Variants in TAFA5 observed in about 807,000 individuals in gnomAD.
The protein encoded by TAFA5 is chemokine-like protein TAFA-5.
In TAFA5, 6 loss-of-function variants were observed where a neutral mutation model predicts 15.3. That is an observed-to-expected ratio of 0.39 (90% CI 0.21 to 0.77). TAFA5 has a LOEUF of 0.77. TAFA5 is among the 30% of genes least tolerant of loss of function. The pLI is 0.41. For synonymous variants in TAFA5, 103 were observed against 80.7 expected (o/e 1.28, Z -1.48); for missense variants, 161 against 193.1 (o/e 0.83, Z 0.98).
At chr22:48,626,156 T>G (rs1399426854) in intron 1 of TAFA5, among the ~76,000 whole-genome samples, 1 of 152,242 alleles carries the variant, frequency 6.6e-6, no homozygotes, top group African/African-American at 2.4e-5. Flanking sequence ...CTATAAACAT[T>G]CACACGCAGC....
At chr22:48,707,295 G>A (rs1309614552) in intron 2 of TAFA5, among the ~76,000 whole-genome samples, 1 of 152,122 alleles carries the variant, frequency 6.6e-6, no homozygotes, top group Non-Finnish European at 1.5e-5. Context: ...TTCCCCTTTG[G>A]TTACCTCCCT....
chr22:48,563,355 C>T (rs982963486), intron 1 of TAFA5, among the ~76,000 whole-genome samples: 5 of 152,180 alleles, frequency 3.3e-5, no homozygotes, highest in Admixed American at 2.0e-4. Flanking sequence ...GTGGGGACCA[C>T]GGGGGCCGTT....
intron 1 of TAFA5, among the ~76,000 whole-genome samples, chr22:48,506,611 C>G (rs1386362692): frequency 6.6e-6 from 1 of 152,148 alleles, no homozygotes; most frequent in Non-Finnish European, 1.5e-5. Flanking sequence ...GGGCCCCCTG[C>G]CAGCCTGTCC....
chr22:48,645,262 T>C (rs1030494878), intron 1 of TAFA5, among the ~76,000 whole-genome samples: 2 of 152,168 alleles, frequency 1.3e-5, no homozygotes, highest in Non-Finnish European at 2.9e-5. Flanking sequence ...GGTTTTCATC[T>C]TCACCTGGAG....
At chr22:48,523,653 CA>C (rs1326803617) in intron 1 of TAFA5, among the ~76,000 whole-genome samples, 2 of 152,202 alleles carry the variant, frequency 1.3e-5, no homozygotes, top group African/African-American at 2.4e-5. Flanking sequence ...CCTCTGTGCC[CA>C]ACTTGGGCCA....
chr22:48,728,400 A>T (rs1271228084), intron 3 of TAFA5, among the ~76,000 whole-genome samples: 1 of 152,244 alleles, frequency 6.6e-6, no homozygotes, highest in Non-Finnish European at 1.5e-5. Flanking sequence ...CCAATGCTGG[A>T]TGGAGCAACT....
chr22:48,589,956 G>A lies in TAFA5; in HGVS notation c.113-56641G>A, dbSNP rs533125734. 9.2e-5 allele frequency among the ~76,000 whole-genome samples: 14 copies of A among 151,846 alleles called. No individual in the cohort carries two copies. In the South Asian group the frequency reaches 1.5e-3, roughly 16 times the overall value. On this transcript the variant is annotated intron_variant, in intron 1 of 3. Transcript: ENST00000402357. ...GGAACCGGATATAGCAGGCCAAGCC[G>A]AAGATCTTGTCACAGGGGATTGCAG...
intron 1 of TAFA5, among the ~76,000 whole-genome samples, chr22:48,632,885 C>T (rs1414335299): frequency 1.3e-5 from 2 of 152,262 alleles, no homozygotes; most frequent in South Asian, 2.1e-4. Context: ...GAGTTGGTGG[C>T]AGGCATAGAC....
intron 1 of TAFA5, among the ~76,000 whole-genome samples, chr22:48,508,339 C>G (rs114441163): frequency 0.03 from 4,501 of 152,344 alleles, 229 homozygotes; most frequent in African/African-American, 0.1. Context: ...TGCCGCCCCC[C>G]CAGAGCTGGC....
intron 1 of TAFA5, among the ~76,000 whole-genome samples, chr22:48,586,356 A>G (rs1380901787): frequency 3.9e-5 from 6 of 152,244 alleles, no homozygotes; most frequent in African/African-American, 7.2e-5. Context: ...ACACCCACCT[A>G]TGCAAATAAC....
intron 3 of TAFA5, among the ~76,000 whole-genome samples, chr22:48,722,044 G>A (rs1265742803): frequency 2.0e-5 from 3 of 152,100 alleles, no homozygotes; most frequent in Non-Finnish European, 4.4e-5. Flanking sequence ...TAATCCTTGG[G>A]GTACATACCC....
At chr22:48,618,169 G>A (rs541052006) in intron 1 of TAFA5, among the ~76,000 whole-genome samples, 7 of 152,292 alleles carry the variant, frequency 4.6e-5, no homozygotes, top group South Asian at 2.1e-4. Context: ...TGGCCAAGCC[G>A]TGGATACCTG....
chr22:48,610,397 G>A (rs982010558), intron 1 of TAFA5, among the ~76,000 whole-genome samples: 9 of 152,254 alleles, frequency 5.9e-5, no homozygotes, highest in African/African-American at 1.4e-4. Flanking sequence ...CTCGCCTTGC[G>A]CCCTGGCCGG....
At chr22:48,642,131 G>A (rs1926705930) in intron 1 of TAFA5, among the ~76,000 whole-genome samples, 1 of 152,042 alleles carries the variant, frequency 6.6e-6, no homozygotes, top group African/African-American at 2.4e-5. Flanking sequence ...GAGTGGGGCA[G>A]CCCTGTGAAG....
chr22:48,668,719 G>A (rs1371199547), intron 2 of TAFA5, among the ~76,000 whole-genome samples: 2 of 141,046 alleles, frequency 1.4e-5, no homozygotes, highest in African/African-American at 5.4e-5. Context: ...ACTGGAAACT[G>A]TAGTCCCCCA....
chr22:48,527,207 G>A (rs11913306), intron 1 of TAFA5, among the ~76,000 whole-genome samples: 4,411 of 152,294 alleles, frequency 0.029, 243 homozygotes, highest in African/African-American at 0.1. Flanking sequence ...AGTCAGAGGC[G>A]ACCCCGTGGC....
intron 1 of TAFA5, among the ~76,000 whole-genome samples, chr22:48,578,246 C>T (rs1422277150): frequency 6.6e-6 from 1 of 152,226 alleles, no homozygotes; most frequent in Non-Finnish European, 1.5e-5. Context: ...TGAAGTTCCA[C>T]TGACTTTGAA....
intron 2 of TAFA5, among the ~76,000 whole-genome samples, chr22:48,693,879 G>C (rs6010592): frequency 0.73 from 111,375 of 152,112 alleles, 41,153 homozygotes; most frequent in African/African-American, 0.81. Flanking sequence ...GGACGCAGCT[G>C]ACAGATGGTG....
chr22:48,559,277 G>A (rs1601578956), intron 1 of TAFA5, among the ~76,000 whole-genome samples: 1 of 152,234 alleles, frequency 6.6e-6, no homozygotes, highest in Non-Finnish European at 1.5e-5. Context: ...CATGGCGGTC[G>A]GGGCTGCTTG....
Sources: allele counts gnomAD v4.1 joint callset (sites outside exome capture counted in the v4.1 genomes callset), GRCh38; gene constraint gnomAD v4.1.1; transcripts MANE v1.5; gene names NCBI Gene and HGNC (gene_info 2026-07-23, HGNC 2026-07-21).